ZDHHC6: variants seen among roughly 807,000 people sequenced by gnomAD.
ZDHHC6 encodes the protein palmitoyltransferase ZDHHC6.
Under a neutral mutation model 57.8 loss-of-function variants are expected in ZDHHC6, and 32 were observed. That is an observed-to-expected ratio of 0.55 (90% CI 0.42 to 0.74). The LOEUF (loss-of-function observed/expected upper bound fraction) is 0.74. Ranked by LOEUF, ZDHHC6 falls within the 30% of genes least tolerant of loss-of-function variation. The pLI, the probability that ZDHHC6 is intolerant of heterozygous loss-of-function variation, is 0.00. For synonymous variants in ZDHHC6, 128 were observed against 158.0 expected, an observed-to-expected ratio of 0.81 and a Z score of 1.42; for missense variants, 433 against 500.7, an observed-to-expected ratio of 0.86 and a Z score of 1.29.
At chr10:112,442,057 C>T (rs1846168558) in intron 4 of ZDHHC6, 135 bp downstream of exon 4, 4 of 1,033,702 alleles carry the variant, frequency 3.9e-6, no homozygotes, top group Non-Finnish European at 5.3e-6. Flanking sequence ...AACCCATATA[C>T]CAGTAAAACA....
chr10:112,426,266 A>G (rs776105561), downstream of ZDHHC6: 2 of 1,613,854 alleles, frequency 1.2e-6, no homozygotes, highest in South Asian at 2.2e-5. Context: ...AGTCATCCTT[A>G]GTAGGAGTGG....
At chr10:112,447,160 G>T (rs1846856643), upstream of ZDHHC6, 3 of 531,096 alleles carry the variant, frequency 5.6e-6, no homozygotes, top group South Asian at 2.7e-5. Flanking sequence ...CTTAAAGTCG[G>T]AGCGGAAAAT....
chr10:112,429,524 A>G (rs928319604), downstream of ZDHHC6, among the ~76,000 whole-genome samples: 1 of 152,034 alleles, frequency 6.6e-6, no homozygotes, highest in East Asian at 1.9e-4. Context: ...CTTATCCTCA[A>G]CTATTACAGG....
chr10:112,442,413 G>A, intron 3 of ZDHHC6, 62 bp from the exon 4 acceptor site: 1 of 1,521,790 alleles, frequency 6.6e-7, no homozygotes, highest in Non-Finnish European at 8.8e-7. Context: ...AAATAACTTT[G>A]GTCTTCAAAA....
chr10:112,437,583 A>G (rs1845662981), intron 6 of ZDHHC6, among the ~76,000 whole-genome samples: 1 of 152,224 alleles, frequency 6.6e-6, no homozygotes. Flanking sequence ...ATCTCAACAG[A>G]CTGAATGCAG....
In ZDHHC6 at chr10:112,430,778, A is replaced by G. The variant is rs568620484; in HGVS notation, c.*26T>C. The G allele has an allele frequency of 3.3e-5, 53 of 1,590,588 alleles. No individual in the cohort carries two copies. The South Asian group carries it at 5.8e-4, about 17-fold the overall frequency. On this transcript the variant is annotated 3_prime_UTR_variant, in exon 11 of 11. Transcript: ENST00000369405. The stretch of plus-strand genomic sequence containing the variant: ...AATTTTCAAGTAATTAAGCAGACTT[A>G]AAGGATAATTTTGTTTTAACAGCAG...
chr10:112,429,000 A>G (rs1028813624), downstream of ZDHHC6, among the ~76,000 whole-genome samples: 1 of 152,236 alleles, frequency 6.6e-6, no homozygotes, highest in African/African-American at 2.4e-5. Flanking sequence ...CAAAACTCCA[A>G]CTGAGCACAA....
intron 10 of ZDHHC6, 144 bp downstream of exon 10, chr10:112,432,096 G>A (rs1291658991): frequency 1.4e-6 from 1 of 718,336 alleles, no homozygotes; most frequent in Non-Finnish European, 2.2e-6. Flanking sequence ...ATATAAGGAA[G>A]TTCCTTTTGT....
Position 112,430,648 on chromosome 10 carries a change from C to T in ZDHHC6, c.*156G>A. On this transcript the variant is annotated 3_prime_UTR_variant, in exon 11 of 11. Transcript: ENST00000369405. ...CATATGCAGAATGGCTTCTCCATTT[C>T]AAAATGGTAATAAAAATATTTAAAT... 3.4e-6 allele frequency: 2 copies of T among 583,868 alleles called. No individual in the cohort carries two copies. The highest frequency in any genetic ancestry group is 2.8e-6 in the Non-Finnish European group (1 of 354,222). 36.2% of individuals were successfully genotyped at this position (583,868 alleles called of 1,614,324 possible). A position where few individuals can be genotyped will look rare whatever the true frequency, so the allele number is the denominator to read the frequency against.
At chr10:112,433,051 C>G (rs1305374094) in intron 8 of ZDHHC6, among the ~76,000 whole-genome samples, 189 bp downstream of exon 8, 1 of 152,134 alleles carries the variant, frequency 6.6e-6, no homozygotes, top group African/African-American at 2.4e-5. Context: ...CTAAATTCCT[C>G]CCAACCTCTA....
intron 5 of ZDHHC6, among the ~76,000 whole-genome samples, chr10:112,439,111 C>T (rs988370598): frequency 6.6e-6 from 1 of 152,120 alleles, no homozygotes; most frequent in African/African-American, 2.4e-5. Context: ...ATGTTAGAAA[C>T]AGCCTTGGTG....
At chr10:112,441,244 A>G (rs527768721) in intron 4 of ZDHHC6, among the ~76,000 whole-genome samples, 1 of 152,346 alleles carries the variant, frequency 6.6e-6, no homozygotes, top group African/African-American at 2.4e-5. Flanking sequence ...GTTTCCTCAG[A>G]AAGTGTCAAG....
In ZDHHC6 at chr10:112,434,455, G is replaced by A. The variant is rs766464152; in HGVS notation, c.745C>T (p.Arg249Ter). ...TCATCTAGTTGATAATACTGAATTC[G>A]ATCTTTAGCCTGTGGGTAACAAAGA... ...ESWIEEKAKDRIQYYQLDEVF... is the reference protein window; with the variant it reads ...ESWIEEKAKD Residue 249 changes from arginine (R) to a stop codon, truncating the protein, a stop_gained, in exon 7 of 11, where the codon CGA becomes TGA. Coordinates refer to ENST00000369405, the MANE Select transcript of ZDHHC6 (RefSeq NM_022494.3). LOFTEE classifies it high-confidence loss of function. 6.2e-7 allele frequency: 1 copy of A among 1,611,700 alleles called. No homozygotes were observed.
chr10:112,428,375 T>A (rs2133708530), downstream of ZDHHC6: 1 of 398,614 alleles, frequency 2.5e-6, no homozygotes, highest in South Asian at 1.3e-4. Context: ...CTATTACAGA[T>A]ACTTACGTTG....
chr10:112,434,416 GA>G lies in ZDHHC6; in HGVS notation c.783del (p.Pro262HisfsTer30). On this transcript the variant is annotated frameshift_variant, in exon 7 of 11. Coordinates refer to ENST00000369405, the MANE Select transcript of ZDHHC6 (RefSeq NM_022494.3). LOFTEE classifies it high-confidence loss of function. ...CTCCATCTACTTCCCATATCATATG[GA>G]AAAACAAAGACTTCATCTAGTTGAT... ...QYYQLDEVFV[F>X]PYDMGSRWRN... The G allele has an allele frequency of 6.2e-7, 1 of 1,613,766 alleles. No individual in the cohort carries two copies.
upstream of ZDHHC6, chr10:112,447,397 C>A (rs1302452950): frequency 1.2e-6 from 2 of 1,613,674 alleles, no homozygotes; most frequent in East Asian, 2.2e-5. Flanking sequence ...TCGAAGGTTA[C>A]GAGCAGGACT....
chr10:112,429,560 C>G (rs1844866133), downstream of ZDHHC6, among the ~76,000 whole-genome samples: 1 of 152,196 alleles, frequency 6.6e-6, no homozygotes, highest in African/African-American at 2.4e-5. Flanking sequence ...TTCACATTCC[C>G]TGCCTTGGAA....
chr10:112,438,427 C>T, intron 5 of ZDHHC6, 38 bp from the exon 6 acceptor site: 1 of 1,309,762 alleles, frequency 7.6e-7, no homozygotes, highest in Non-Finnish European at 1.0e-6. Flanking sequence ...ATAATGCGAC[C>T]TTGGTTCCTT....
intron 3 of ZDHHC6, 103 bp from the exon 4 acceptor site, chr10:112,442,454 T>C: frequency 8.7e-7 from 1 of 1,148,150 alleles, no homozygotes; most frequent in Non-Finnish European, 1.2e-6. Flanking sequence ...AGCATGTCCA[T>C]GAGCTACGAG....
Sources: gnomAD v4.1 joint callset for allele counts (sites outside exome capture counted in the v4.1 genomes callset) on GRCh38, gnomAD v4.1.1 for gene constraint, MANE v1.5 for transcripts, NCBI Gene and HGNC (gene_info 2026-07-23, HGNC 2026-07-21) for gene names.